Variants in ADD3 observed in about 807,000 individuals in gnomAD.
ADD3 encodes the protein adducin 3, also known as gamma-adducin.
ADD3 carries 25 observed loss-of-function variants against 80.2 expected under a neutral mutation model. That is an observed-to-expected ratio of 0.31 (90% CI 0.23 to 0.44). The LOEUF (loss-of-function observed/expected upper bound fraction) is 0.44, where lower values mean the gene tolerates loss of function less well. Among genes scored for constraint, ADD3 ranks in the 20% least tolerant of loss-of-function variants. The pLI is 1.00. For synonymous variants in ADD3, 284 were observed against 289.6 expected (o/e 0.98, Z 0.20); for missense variants, 829 against 847.5 (o/e 0.98, Z 0.27).
At chr10:110,052,446 C>A (rs559301692) in intron 1 of ADD3, among the ~76,000 whole-genome samples, 1 of 152,158 alleles carries the variant, frequency 6.6e-6, no homozygotes, top group Non-Finnish European at 1.5e-5. Flanking sequence ...CATAGGGGCC[C>A]GAACCCTGTT....
At chr10:110,115,655 G>A (rs934230366) in intron 3 of ADD3, among the ~76,000 whole-genome samples, 2 of 152,150 alleles carry the variant, frequency 1.3e-5, no homozygotes, top group Non-Finnish European at 2.9e-5. Context: ...AGTATCACAT[G>A]GGCCTCGAGA....
chr10:110,077,118 T>G (rs961662023), intron 1 of ADD3: 2 of 152,230 alleles, frequency 1.3e-5, no homozygotes, highest in Non-Finnish European at 2.9e-5. Flanking sequence ...TCAATTTTTT[T>G]GTAAGTAATG....
chr10:110,042,941 T>A (rs1023761276), intron 1 of ADD3, among the ~76,000 whole-genome samples: 2 of 152,234 alleles, frequency 1.3e-5, no homozygotes, highest in Admixed American at 1.3e-4. Flanking sequence ...CATATTTTTC[T>A]ACTTCAGAGT....
intron 1 of ADD3, among the ~76,000 whole-genome samples, chr10:110,049,440 G>A (rs1459016049): frequency 1.3e-5 from 2 of 152,206 alleles, no homozygotes; most frequent in Non-Finnish European, 2.9e-5. Context: ...AAAAGCCACA[G>A]ACACTCAATG....
At chr10:110,035,677 C>T (rs1855552458) in intron 1 of ADD3, among the ~76,000 whole-genome samples, 1 of 152,152 alleles carries the variant, frequency 6.6e-6, no homozygotes, top group South Asian at 2.1e-4. Context: ...CTTGTTAAAC[C>T]ATAAATTGCT....
chr10:110,043,599 C>T (rs1856604610), intron 1 of ADD3, among the ~76,000 whole-genome samples: 1 of 152,062 alleles, frequency 6.6e-6, no homozygotes, highest in African/African-American at 2.4e-5. Flanking sequence ...ATAAGTTCTC[C>T]TAAGAGTAGA....
chr10:110,009,722 T>A (rs1053868031), intron 1 of ADD3, among the ~76,000 whole-genome samples: 13 of 152,234 alleles, frequency 8.5e-5, no homozygotes, highest in African/African-American at 2.9e-4. Flanking sequence ...CTCTTCATCT[T>A]TCTGAAGAGT....
chr10:110,066,340 A>G (rs1032697744), intron 1 of ADD3, among the ~76,000 whole-genome samples: 5 of 152,024 alleles, frequency 3.3e-5, no homozygotes, highest in Admixed American at 6.5e-5. Context: ...CCGAGGTTCA[A>G]GCAGTTCTGC....
chr10:110,086,264 C>T (rs1313537559), intron 1 of ADD3, among the ~76,000 whole-genome samples: 1 of 151,352 alleles, frequency 6.6e-6, no homozygotes, highest in Non-Finnish European at 1.5e-5. Flanking sequence ...ACAAAAATTA[C>T]CTGGGCATGG....
intron 1 of ADD3, among the ~76,000 whole-genome samples, chr10:110,064,624 T>C (rs1240332747): frequency 6.6e-6 from 1 of 152,210 alleles, no homozygotes; most frequent in East Asian, 1.9e-4. Context: ...TAAAAAGATA[T>C]ATTCTGGATT....
intron 1 of ADD3, among the ~76,000 whole-genome samples, chr10:110,067,065 G>A (rs1389878769): frequency 6.6e-6 from 1 of 152,158 alleles, no homozygotes; most frequent in African/African-American, 2.4e-5. Flanking sequence ...CTTGACTTTT[G>A]TATTATGGTG....
At position 110,125,899 on chromosome 10, in the gene ADD3, T is replaced by G; in HGVS notation, c.1475T>G (p.Val492Gly). 1 of 1,610,512 alleles carries G rather than the reference T, an allele frequency of 6.2e-7. No individual in the cohort carries two copies. Among genetic ancestry groups the G allele is most frequent in the Non-Finnish European group, 8.5e-7 (1 of 1,177,498 alleles). Residue 492 changes from valine to glycine, a missense_variant, in exon 11 of 15, where the codon GTT becomes GGT. By Grantham distance (109) the Val-to-Gly change is moderately radical (BLOSUM62 -3). Transcript: ENST00000356080. Reference sequence around the variant, plus strand: ...AAAATTGAAGATCCAAATCAGTTTGTTCCTTTAAACACAAACCCGAATGAG... The same window carrying G: ...AAAATTGAAGATCCAAATCAGTTTGGTCCTTTAAACACAAACCCGAATGAG... ...PIKIEDPNQFVPLNTNPNEVL... is the reference protein window; with the variant it reads ...PIKIEDPNQFGPLNTNPNEVL...
chr10:110,004,007 A>G (rs979504158), upstream of ADD3, among the ~76,000 whole-genome samples: 4 of 152,138 alleles, frequency 2.6e-5, no homozygotes, highest in African/African-American at 9.7e-5. Context: ...CCTTTATATA[A>G]GAGACTGTGC....
chr10:110,075,653 G>A (rs1845304308), intron 1 of ADD3: 1 of 152,140 alleles, frequency 6.6e-6, no homozygotes, highest in South Asian at 2.1e-4. Flanking sequence ...AACACATTCT[G>A]CCAGTGCAAA....
intron 1 of ADD3, among the ~76,000 whole-genome samples, chr10:110,072,554 G>A (rs1449444439): frequency 1.3e-5 from 2 of 152,120 alleles, no homozygotes; most frequent in Admixed American, 1.3e-4. Context: ...GAGGCCTGTA[G>A]GAGGCTTTTC....
rs1041059182 is a variant in ADD3, at chr10:110,133,664, A to G, written c.*46A>G. 2.7e-5 allele frequency: 38 copies of G among 1,423,546 alleles called. 1 individual carries two copies. Among genetic ancestry groups the G allele is most frequent in the Middle Eastern group, 1.9e-4 (1 of 5,240 alleles). The allele number at this position is 1,423,546 out of a possible 1,614,324, so 88.2% of individuals were successfully genotyped here. Reference sequence around the variant, plus strand: ...TTATTATAACAATGTGACATTGCACATCTAAATACCACATTTAAGTTGATC... The same window carrying G: ...TTATTATAACAATGTGACATTGCACGTCTAAATACCACATTTAAGTTGATC... On this transcript the variant is annotated 3_prime_UTR_variant, in exon 15 of 15. Transcript: ENST00000356080.
At chr10:110,028,233 C>G (rs1285835564) in intron 1 of ADD3, among the ~76,000 whole-genome samples, 1 of 152,090 alleles carries the variant, frequency 6.6e-6, no homozygotes, top group Admixed American at 6.5e-5. Flanking sequence ...CCTTATGAGA[C>G]AGGAAAAGAG....
chr10:110,111,492 C>T (rs775705083), intron 2 of ADD3, among the ~76,000 whole-genome samples: 2 of 152,098 alleles, frequency 1.3e-5, no homozygotes, highest in Non-Finnish European at 2.9e-5. Flanking sequence ...GGAATAGAGG[C>T]GTTCTCTTAA....
intron 1 of ADD3, chr10:109,997,722 C>T (rs1003265435): frequency 1.3e-5 from 2 of 152,188 alleles, no homozygotes; most frequent in East Asian, 1.9e-4. Flanking sequence ...TACACAGATG[C>T]CACTGAAATG....
Sources: allele counts gnomAD v4.1 joint callset (sites outside exome capture counted in the v4.1 genomes callset), GRCh38; gene constraint gnomAD v4.1.1; transcripts MANE v1.5; gene names NCBI Gene and HGNC (gene_info 2026-07-23, HGNC 2026-07-21).